Variants in HTD2 observed in about 807,000 individuals in gnomAD.
HTD2 encodes the protein hydroxyacyl-thioester dehydratase type 2, also known as hydroxyacyl-thioester dehydratase type 2, mitochondrial.
Under a neutral mutation model 3.1 loss-of-function variants are expected in HTD2, and 1 was observed. The ratio of observed to expected loss-of-function variants is 0.32; its 90% CI spans 0.11 to 1.52. The LOEUF (loss-of-function observed/expected upper bound fraction) is 1.52, where lower values mean the gene tolerates loss of function less well. Ranked by LOEUF, HTD2 falls within the 40% of genes most tolerant of loss-of-function variation. The pLI is 0.39. For synonymous variants in HTD2, 50 were observed against 28.9 expected, an observed-to-expected ratio of 1.73 and a Z score of -2.34; for missense variants, 150 against 79.6, an observed-to-expected ratio of 1.88 and a Z score of -3.36.
chr3:58,315,987 A>G (rs981464016), intron 2 of HTD2, among the ~76,000 whole-genome samples: 30 of 152,058 alleles, frequency 2.0e-4, no homozygotes, highest in Non-Finnish European at 4.0e-4. Context: ...ATCCCTGTAC[A>G]TTTCTTTGTG....
At chr3:58,307,594 C>T (rs994019302) in intron 1 of HTD2, among the ~76,000 whole-genome samples, 15 of 152,120 alleles carry the variant, frequency 9.9e-5, no homozygotes, top group African/African-American at 3.1e-4. Context: ...GGCGTGATGA[C>T]GTACGCCTGT....
chr3:58,312,334 A>ACCGC lies in HTD2; in HGVS notation c.-331+1745_-331+1746insGCCC, dbSNP rs1488023508. ...TGGAGTGCAGTGGCACAACCTCCGC[A>ACCGC]CCCCCCCCCGCCCCTCCCGGATTCA... On this transcript the variant is annotated intron_variant, in intron 2 of 4. Coordinates refer to ENST00000461393, the MANE Select transcript of HTD2 (RefSeq NM_001348712.2). Among the ~76,000 whole-genome samples, 20 of 69,702 alleles carry ACCGC rather than the reference A, an allele frequency of 2.9e-4. 1 individual carries two copies. The highest frequency in any genetic ancestry group is 1.5e-3 in the Admixed American group (9 of 5,840). The allele number at this position is 69,702 out of a possible 152,430, so 45.7% of individuals were successfully genotyped here.
chr3:58,317,420 C>T lies in HTD2; in HGVS notation c.-174-20C>T. The T allele has an allele frequency of 6.4e-7, 1 of 1,562,820 alleles. No individual in the cohort carries two copies. Among genetic ancestry groups the T allele is most frequent in the African/African-American group, 1.4e-5 (1 of 73,286 alleles). Reference sequence around the variant, plus strand: ...AGTGTGGTTTCTCCCAATGCCTTAACCTTTTTCTTTCTCTTCTAGGTTTCT... The same window carrying T: ...AGTGTGGTTTCTCCCAATGCCTTAATCTTTTTCTTTCTCTTCTAGGTTTCT... On this transcript the variant is annotated intron_variant, in intron 4 of 4. Transcript: ENST00000461393.
At chr3:58,307,142 G>A (rs1233709009) in intron 1 of HTD2, among the ~76,000 whole-genome samples, 1 of 152,236 alleles carries the variant, frequency 6.6e-6, no homozygotes, top group Non-Finnish European at 1.5e-5. Flanking sequence ...CTAGGCCTGT[G>A]TGGTGGCGGG....
At position 58,316,570 on chromosome 3, in the gene HTD2, C is replaced by G. The variant is rs1224372595; in HGVS notation, c.-275C>G. 1.2e-6 allele frequency: 2 copies of G among 1,613,810 alleles called. No homozygotes were observed. On this transcript the variant is annotated 5_prime_UTR_variant, in exon 3 of 5. Coordinates refer to ENST00000461393, the MANE Select transcript of HTD2 (RefSeq NM_001348712.2). ...ACCTATGAAGAGAAGACCTTGTCAGCCATCTTGAGAATATGTAGCAGGTAT... is the reference window on the plus strand; with the variant it reads ...ACCTATGAAGAGAAGACCTTGTCAGGCATCTTGAGAATATGTAGCAGGTAT...
At chr3:58,317,039 G>A in intron 4 of HTD2, 46 bp downstream of exon 4, 2 of 1,342,634 alleles carry the variant, frequency 1.5e-6, no homozygotes, top group African/African-American at 1.4e-5. Flanking sequence ...TGAGTGATGG[G>A]TCAACTGCTT....
At chr3:58,316,492 T>C in intron 2 of HTD2, 23 bp from the exon 3 acceptor site, 1 of 1,594,894 alleles carries the variant, frequency 6.3e-7, no homozygotes, top group East Asian at 2.2e-5. Context: ...AATAGCCTGC[T>C]AATAGCATTA....
chr3:58,311,906 C>T (rs1019558820), intron 2 of HTD2, among the ~76,000 whole-genome samples: 3 of 151,996 alleles, frequency 2.0e-5, no homozygotes, highest in African/African-American at 2.4e-5. Flanking sequence ...GAAGTCTTGC[C>T]GTGATGCCCA....
rs2097480667 is a variant in HTD2, at chr3:58,310,254, ACT to A, written c.-415-250_-415-249del. The A allele has an allele frequency of 3.6e-6, 5 of 1,402,670 alleles. No individual in the cohort carries two copies. The South Asian group carries it at 6.0e-5, about 17-fold the overall frequency. The allele number at this position is 1,402,670 out of a possible 1,614,324, so 86.9% of individuals were successfully genotyped here. On this transcript the variant is annotated intron_variant, in intron 1 of 4. Coordinates refer to ENST00000461393, the MANE Select transcript of HTD2 (RefSeq NM_001348712.2). The stretch of plus-strand genomic sequence containing the variant: ...CCAAATAGGCCAAATTCTCATCAAA[ACT>A]CTGAAAAATAGCATGTGCATTGGTC...
At chr3:58,317,270 C>T (rs549206810) in intron 4 of HTD2, among the ~76,000 whole-genome samples, 170 bp from the exon 5 acceptor site, 44 of 152,218 alleles carry the variant, frequency 2.9e-4, no homozygotes, top group South Asian at 1.5e-3. Flanking sequence ...TATATTGGTA[C>T]GCTCTTTTTG....
At position 58,307,395 on chromosome 3, in the gene HTD2, T is replaced by A. The variant is rs1019431588; in HGVS notation, c.-416+744T>A. ...GAGAATCAGATTTATTACTAATAGGTCAGATTAGGAGCATCCCTGCGCAGC... is the reference window on the plus strand; with the variant it reads ...GAGAATCAGATTTATTACTAATAGGACAGATTAGGAGCATCCCTGCGCAGC... On this transcript the variant is annotated intron_variant, in intron 1 of 4. Coordinates refer to ENST00000461393, the MANE Select transcript of HTD2 (RefSeq NM_001348712.2). 2.6e-5 allele frequency among the ~76,000 whole-genome samples: 4 copies of A among 152,196 alleles called. 1 individual carries two copies. In the East Asian group the frequency reaches 5.8e-4, roughly 22 times the overall value.
chr3:58,309,903 T>A (rs1017428839), intron 1 of HTD2, among the ~76,000 whole-genome samples: 14 of 150,230 alleles, frequency 9.3e-5, no homozygotes, highest in South Asian at 8.5e-4. Context: ...AAAAAAAAAA[T>A]AATAATAACA....
In HTD2 at chr3:58,317,459, C is replaced by G. The variant is rs2097489482; in HGVS notation, c.-155C>G. On this transcript the variant is annotated 5_prime_UTR_variant, in exon 5 of 5. Coordinates refer to ENST00000461393, the MANE Select transcript of HTD2 (RefSeq NM_001348712.2). ...TTCTAGGTTTCTCCATTTCTTCTTG[C>G]ATTATCTGGTAATAGTAGGGAACTA... is the stretch of plus-strand genomic sequence containing the variant. The G allele has an allele frequency of 6.2e-7, 1 of 1,601,296 alleles. No individual in the cohort carries two copies. Among genetic ancestry groups the G allele is most frequent in the Non-Finnish European group, 8.6e-7 (1 of 1,169,432 alleles).
chr3:58,306,573 C>A lies in HTD2; in HGVS notation c.-494C>A, dbSNP rs17355543. On this transcript the variant is annotated 5_prime_UTR_variant, in exon 1 of 5. Transcript: ENST00000461393. ...CTCTGTACGGCGCCGCGTAGGGTCTCGGCCGCAGAACGTGGCCGAGAGGCC... is the reference window on the plus strand; with the variant it reads ...CTCTGTACGGCGCCGCGTAGGGTCTAGGCCGCAGAACGTGGCCGAGAGGCC... The A allele has an allele frequency of 3.3e-5, 5 of 152,034 alleles. No homozygotes were observed. The highest frequency in any genetic ancestry group is 9.7e-5 in the African/African-American group (4 of 41,378). The allele number at this position is 152,034 out of a possible 1,614,324, so 9.4% of individuals were successfully genotyped here. A position where few individuals can be genotyped will look rare whatever the true frequency, so the allele number is the denominator to read the frequency against.
At chr3:58,312,337 C>G (rs530728549) in intron 2 of HTD2, among the ~76,000 whole-genome samples, 26 of 126,620 alleles carry the variant, frequency 2.1e-4, no homozygotes, top group Admixed American at 3.2e-4. Flanking sequence ...CCTCCGCACC[C>G]CCCCCCGCCC....
chr3:58,313,924 T>C (rs2097485104), intron 2 of HTD2, among the ~76,000 whole-genome samples: 1 of 152,268 alleles, frequency 6.6e-6, no homozygotes, highest in Non-Finnish European at 1.5e-5. Flanking sequence ...CAGTGGCTCA[T>C]GCCCGTAATC....
At chr3:58,314,675 A>ATTTTTTTTTTTTTTTTTTTTTTTTTTT (rs751757663) in intron 2 of HTD2, among the ~76,000 whole-genome samples, 4 of 90,562 alleles carry the variant, frequency 4.4e-5, no homozygotes, top group Non-Finnish European at 5.8e-5. Context: ...GTTTGGCAGT[A>ATTTTTTTTTTTTTTTTTTTTTTTTTTT]TTTTTTTTTT....
At chr3:58,316,804 C>T (rs781174554) in intron 3 of HTD2, 111 bp from the exon 4 acceptor site, 5 of 1,009,130 alleles carry the variant, frequency 5.0e-6, no homozygotes, top group African/African-American at 3.2e-5. Flanking sequence ...GTAGTTTTCC[C>T]ATTGATGGTT....
intron 1 of HTD2, among the ~76,000 whole-genome samples, chr3:58,308,917 A>G (rs1248459039): frequency 6.6e-6 from 1 of 152,250 alleles, no homozygotes; most frequent in Non-Finnish European, 1.5e-5. Context: ...AGGGAGAGCA[A>G]GGTTGGCATG....
Sources: gnomAD v4.1 joint callset for allele counts (sites outside exome capture counted in the v4.1 genomes callset) on GRCh38, gnomAD v4.1.1 for gene constraint, MANE v1.5 for transcripts, NCBI Gene and HGNC (gene_info 2026-07-23, HGNC 2026-07-21) for gene names.